The following ACTL6A variants were observed in gnomAD, a reference collection of about 807,000 sequenced individuals.
The protein encoded by ACTL6A is actin-like protein 6A.
Under a neutral mutation model 59.2 loss-of-function variants are expected in ACTL6A, and 5 were observed. The observed-to-expected ratio is 0.08, with a 90% CI of 0.04 to 0.18. The LOEUF (loss-of-function observed/expected upper bound fraction) is 0.18. Among genes scored for constraint, ACTL6A ranks in the 10% least tolerant of loss-of-function variants. ACTL6A has a pLI of 1.00. For missense variants in ACTL6A, 285 were observed against 526.9 expected (o/e 0.54, Z 4.49); for synonymous variants, 154 against 171.8 (o/e 0.90, Z 0.81).
intron 8 of ACTL6A, among the ~76,000 whole-genome samples, chr3:179,578,575 T>TC (rs1387948845): frequency 1.3e-5 from 2 of 152,104 alleles, no homozygotes; most frequent in African/African-American, 2.4e-5. Context: ...GCTGTGATTG[T>TC]ACCAGTGCCT....
At chr3:179,577,180 A>G (rs1485191364) in intron 8 of ACTL6A, among the ~76,000 whole-genome samples, 1 of 152,166 alleles carries the variant, frequency 6.6e-6, no homozygotes, top group African/African-American at 2.4e-5. Context: ...AAATCTCTAC[A>G]AATTACTACA....
In ACTL6A at chr3:179,578,728, C is replaced by T. The variant is rs150677608; in HGVS notation, c.768+1815C>T. ...TACATTCTCACCAAAAGTGAATAAA[C>T]GTTCGCTTTTCTCTGCAGCCGTGTC... On this transcript the variant is annotated intron_variant, in intron 8 of 13. Transcript: ENST00000429709. Among the ~76,000 whole-genome samples, 186 of 152,286 alleles carry T rather than the reference C, an allele frequency of 1.2e-3. 4 individuals carry two copies. The East Asian group carries it at 0.032, about 26-fold the overall frequency.
chr3:179,580,796 C>CT (rs138102554), intron 9 of ACTL6A, 95 bp downstream of exon 9: 39,628 of 1,045,702 alleles, frequency 0.038, 4 homozygotes, highest in Non-Finnish European at 0.043. Context: ...TTCTCACTCC[C>CT]TTTTTTTTTT....
chr3:179,570,770 G>C lies in ACTL6A; in HGVS notation c.277+529G>C, dbSNP rs2108357463. ...GGGTCAGTAGCAGGAAAGGTAGGCA[G>C]AGAGCAGTAGCAGGAAAGGTAGGCA... On this transcript the variant is annotated intron_variant, in intron 3 of 13. Coordinates refer to ENST00000429709, the MANE Select transcript of ACTL6A (RefSeq NM_004301.5). This position sits in a 1 kb window ranked among gnomAD's most constrained non-coding sequence, Gnocchi z 4.3. 6.6e-6 allele frequency among the ~76,000 whole-genome samples: 1 copy of C among 152,308 alleles called. No homozygotes were observed. The highest frequency in any genetic ancestry group is 3.4e-3 in the Middle Eastern group (1 of 294).
chr3:179,573,722 T>A (rs1484187688), intron 4 of ACTL6A, among the ~76,000 whole-genome samples: 1 of 152,120 alleles, frequency 6.6e-6, no homozygotes, highest in Non-Finnish European at 1.5e-5. Flanking sequence ...ATTTATGTAT[T>A]TCTAGGGATT....
At chr3:179,574,205 A>G (rs1718099587) in intron 4 of ACTL6A, 165 bp from the exon 5 acceptor site, 1 of 418,680 alleles carries the variant, frequency 2.4e-6, no homozygotes, top group Non-Finnish European at 4.3e-6. Flanking sequence ...AATATTATAG[A>G]GGTTTTTTTA....
chr3:179,579,781 T>C (rs540320117), intron 8 of ACTL6A, among the ~76,000 whole-genome samples: 2 of 152,160 alleles, frequency 1.3e-5, no homozygotes, highest in East Asian at 3.9e-4. Flanking sequence ...AGAGCAAGAC[T>C]CTGTCTCAAA....
Position 179,562,953 on chromosome 3 carries a change from G to A in ACTL6A, c.-140G>A. 1 of 1,131,930 alleles carries A rather than the reference G, an allele frequency of 8.8e-7. No individual in the cohort carries two copies. The highest frequency in any genetic ancestry group is 1.5e-5 in the African/African-American group (1 of 65,446). The allele number at this position is 1,131,930 out of a possible 1,614,324, so 70.1% of individuals were successfully genotyped here. A position where few individuals can be genotyped will look rare whatever the true frequency, so the allele number is the denominator to read the frequency against. On this transcript the variant is annotated 5_prime_UTR_variant, in exon 1 of 14. Transcript: ENST00000429709. ...GTGTGGCTGAGCTCCGGGGTGTGTG[G>A]ACGCCGCTTTGTTGCCTGAGGTGGG...
Position 179,566,306 on chromosome 3 carries a change from T to C in ACTL6A, c.25+3189T>C, listed in dbSNP as rs1382152572. ...AGAAGTTGAAGCTATAGGAGTAGAA[T>C]ATATTACCCAGGAAAGGGTAAATTA... On this transcript the variant is annotated intron_variant, in intron 1 of 13. Coordinates refer to ENST00000429709, the MANE Select transcript of ACTL6A (RefSeq NM_004301.5). Among the ~76,000 whole-genome samples the C allele has an allele frequency of 2.0e-5, 3 of 152,326 alleles. No individual in the cohort carries two copies. The East Asian group carries it at 5.8e-4, about 29-fold the overall frequency.
At chr3:179,572,817 AAAG>A (rs1342086336) in intron 3 of ACTL6A, among the ~76,000 whole-genome samples, 3 of 152,130 alleles carry the variant, frequency 2.0e-5, no homozygotes, top group Non-Finnish European at 4.4e-5. Context: ...AAAAAAGAAA[AAAG>A]AAGGTCATTA....
chr3:179,580,647 T>C lies in ACTL6A; in HGVS notation c.776T>C (p.Ile259Thr). The C allele has an allele frequency of 6.2e-7, 1 of 1,606,724 alleles. No individual in the cohort carries two copies. The highest frequency in any genetic ancestry group is 8.5e-7 in the Non-Finnish European group (1 of 1,175,806). ...SWHNYMCNCV[I>T]QDFQASVLQV... is the part of the protein sequence containing the mutation. Reference sequence around the variant, plus strand: ...TTTTTCTTTTACTCACAGTGTGTTATCCAGGATTTTCAAGCTTCGGTACTT... The same window carrying C: ...TTTTTCTTTTACTCACAGTGTGTTACCCAGGATTTTCAAGCTTCGGTACTT... Residue 259 changes from isoleucine (I) to threonine (T), a missense_variant, in exon 9 of 14, where the codon ATC (isoleucine) becomes ACC (threonine). Coordinates refer to ENST00000429709, the MANE Select transcript of ACTL6A (RefSeq NM_004301.5).
At chr3:179,576,762 T>G in intron 7 of ACTL6A, 36 bp downstream of exon 7, 2 of 1,608,866 alleles carry the variant, frequency 1.2e-6, no homozygotes, top group Non-Finnish European at 1.7e-6. Context: ...TAGAACTTAC[T>G]TCTAGCTCCC....
At position 179,570,403 on chromosome 3, in the gene ACTL6A, T is replaced by C; in HGVS notation, c.277+162T>C. The C allele has an allele frequency of 1.6e-6, 1 of 622,350 alleles. No homozygotes were observed. The highest frequency in any genetic ancestry group is 3.5e-5 in the Admixed American group (1 of 28,220). The allele number at this position is 622,350 out of a possible 1,614,324, so 38.6% of individuals were successfully genotyped here. A position where few individuals can be genotyped will look rare whatever the true frequency, so the allele number is the denominator to read the frequency against. On this transcript the variant is annotated intron_variant, in intron 3 of 13. Transcript: ENST00000429709. The surrounding 1 kb of genome is among the most constrained non-coding windows in gnomAD (Gnocchi z 4.3). ...CAGACACTGAGAATACAAAGATGCA[T>C]AAGAAATGTTCCTTTTCATTAAAAG...
At position 179,570,298 on chromosome 3, in the gene ACTL6A, C is replaced by T. The variant is rs12632721; in HGVS notation, c.277+57C>T. 0.082 allele frequency: 117,028 copies of T among 1,423,856 alleles called. 5,395 individuals are homozygous for T. Among genetic ancestry groups the T allele is most frequent in the South Asian group, 0.16 (10,299 of 65,718 alleles). 88.2% of individuals were successfully genotyped at this position (1,423,856 alleles called of 1,614,324 possible). ...GAGTGTACATGTTATATTTTAGATA[C>T]AAAGTAGTAGCTTCCTATAAGTTGA... On this transcript the variant is annotated intron_variant, in intron 3 of 13. Coordinates refer to ENST00000429709, the MANE Select transcript of ACTL6A (RefSeq NM_004301.5). The surrounding 1 kb of genome is among the most constrained non-coding windows in gnomAD (Gnocchi z 4.3).
chr3:179,576,527 A>G, intron 6 of ACTL6A, 93 bp from the exon 7 acceptor site: 1 of 1,028,194 alleles, frequency 9.7e-7, no homozygotes, highest in Non-Finnish European at 1.5e-6. Flanking sequence ...TTCTACCTGA[A>G]AAAGTTATTC....
intron 3 of ACTL6A, 69 bp from the exon 4 acceptor site, chr3:179,573,300 A>G (rs1400268355): frequency 1.7e-5 from 18 of 1,068,614 alleles, no homozygotes; most frequent in South Asian, 9.6e-5. Flanking sequence ...CATAGAAACA[A>G]TTTCTCAAAA....
chr3:179,580,353 G>A (rs1409391094), intron 8 of ACTL6A, among the ~76,000 whole-genome samples: 6 of 152,154 alleles, frequency 3.9e-5, no homozygotes, highest in Non-Finnish European at 5.9e-5. Context: ...AATTGGTTTT[G>A]TTATGCAGAA....
At chr3:179,579,431 A>T (rs1718264794) in intron 8 of ACTL6A, among the ~76,000 whole-genome samples, 1 of 149,444 alleles carries the variant, frequency 6.7e-6, no homozygotes, top group East Asian at 2.0e-4. Context: ...CAGGTTTTTT[A>T]AAAATTATTT....
rs1718398695 is a variant in ACTL6A at position 179,583,614 on chromosome 3, A to G, written c.1122+166A>G. On this transcript the variant is annotated intron_variant, in intron 12 of 13. Coordinates refer to ENST00000429709, the MANE Select transcript of ACTL6A (RefSeq NM_004301.5). ...TCCTTTAATCGTTTTCCTAGTTGAC[A>G]TCTATTAGTTTCTCTTAAATTATTT... 5.9e-6 allele frequency: 3 copies of G among 509,290 alleles called. No individual in the cohort carries two copies. The East Asian group carries it at 1.0e-4, about 17-fold the overall frequency. The allele number at this position is 509,290 out of a possible 1,614,324, so 31.5% of individuals were successfully genotyped here.
Sources: allele counts gnomAD v4.1 joint callset (sites outside exome capture counted in the v4.1 genomes callset), GRCh38; gene constraint gnomAD v4.1.1; non-coding constraint Gnocchi (gnomAD v3.1); transcripts MANE v1.5; gene names NCBI Gene and HGNC (gene_info 2026-07-23, HGNC 2026-07-21).